POLA1: variants seen among roughly 807,000 people sequenced by gnomAD.
The protein encoded by POLA1 is DNA polymerase alpha catalytic subunit.
POLA1 carries 15 observed loss-of-function variants against 124.0 expected under a neutral mutation model. The ratio of observed to expected loss-of-function variants is 0.12; its 90% CI spans 0.08 to 0.19. The LOEUF is 0.19. POLA1 is among the 10% of genes least tolerant of loss of function. POLA1 has a pLI of 1.00. For missense variants in POLA1, 886 were observed against 1,103.4 expected, an observed-to-expected ratio of 0.80 and a Z score of 2.79; for synonymous variants, 408 against 389.4, an observed-to-expected ratio of 1.05 and a Z score of -0.56.
At chrX:24,704,496 T>G (rs759576945) in intron 4 of POLA1, 27 bp downstream of exon 4, 4 of 1,010,809 alleles carry the variant, frequency 4.0e-6, no homozygotes, top group Non-Finnish European at 5.6e-6. Context: ...TTCCAGGGTG[T>G]TGTTTTGAGA....
intron 30 of POLA1, among the ~76,000 whole-genome samples, chrX:24,820,712 G>GT (rs1314702695): frequency 1.5e-3 from 153 of 99,931 alleles, no homozygotes; most frequent in Middle Eastern, 0.01. Flanking sequence ...TATTTTAGAG[G>GT]TTTTTTTTTT....
intron 24 of POLA1, among the ~76,000 whole-genome samples, chrX:24,747,284 G>A (rs1932061320): frequency 9.2e-6 from 1 of 108,667 alleles, no homozygotes; most frequent in African/African-American, 3.4e-5. Context: ...TCCTGCCTCA[G>A]CCTCCCGAGT....
At chrX:24,713,975 A>C (rs1422237871) in intron 4 of POLA1, among the ~76,000 whole-genome samples, 1 of 112,150 alleles carries the variant, frequency 8.9e-6, no homozygotes, top group Non-Finnish European at 1.9e-5. Context: ...AAACAAACCC[A>C]AATTCTCACT....
At chrX:24,799,090 C>T (rs1019727088) in intron 26 of POLA1, among the ~76,000 whole-genome samples, 6 of 112,037 alleles carry the variant, frequency 5.4e-5, no homozygotes, top group Non-Finnish European at 9.4e-5. Flanking sequence ...TGGTACTGAG[C>T]AAGGGAATTA....
chrX:24,704,454 G>C lies in POLA1; in HGVS notation c.331G>C (p.Asp111His), dbSNP rs748903534. Residue 111 changes from aspartate to histidine, a missense_variant, in exon 4 of 37, where the codon GAT (aspartate) becomes CAT (histidine). Asp to His is a moderately conservative substitution (Grantham distance 81, BLOSUM62 -1). Coordinates refer to ENST00000379068, the MANE Select transcript of POLA1 (RefSeq NM_001330360.2). Reference sequence around the variant, plus strand: ...TGATGACCTTGAAGATGATGCCCTTGATGCTGATGAGAAAGGTACCTACCT... The same window carrying C: ...TGATGACCTTGAAGATGATGCCCTTCATGCTGATGAGAAAGGTACCTACCT... ...FDDDLEDDALDADEKGKDGKA... is the reference protein window; with the variant it reads ...FDDDLEDDALHADEKGKDGKA... 1.7e-6 allele frequency: 2 copies of C among 1,186,595 alleles called. No homozygotes were observed. Among genetic ancestry groups the C allele is most frequent in the Non-Finnish European group, 2.3e-6 (2 of 872,823 alleles).
At chrX:24,716,478 A>G in intron 7 of POLA1, 24 bp downstream of exon 7, 1 of 850,556 alleles carries the variant, frequency 1.2e-6, no homozygotes, top group Non-Finnish European at 1.8e-6. Flanking sequence ...AGATACCTTC[A>G]ATCTTGATTT....
chrX:24,894,698 T>A (rs1456201603), intron 35 of POLA1, among the ~76,000 whole-genome samples: 3 of 112,154 alleles, frequency 2.7e-5, no homozygotes, highest in African/African-American at 9.7e-5. Context: ...CAGTCTCATA[T>A]TGGACTAAGG....
chrX:24,885,714 C>T (rs754226388), intron 34 of POLA1, among the ~76,000 whole-genome samples: 8 of 111,366 alleles, frequency 7.2e-5, no homozygotes, highest in African/African-American at 2.0e-4. Context: ...TTAGTAGAGA[C>T]GGGGTTTCAC....
Position 24,709,187 on chromosome X carries a change from A to G in POLA1, c.346+4718A>G, listed in dbSNP as rs1431635005. On this transcript the variant is annotated intron_variant, in intron 4 of 36. Coordinates refer to ENST00000379068, the MANE Select transcript of POLA1 (RefSeq NM_001330360.2). Reference sequence around the variant, plus strand: ...TCCCGGACGGGGCGGCTGGCCGGGCAGGGGGGCTGACCCCCCCACCTCCCT... The same window carrying G: ...TCCCGGACGGGGCGGCTGGCCGGGCGGGGGGGCTGACCCCCCCACCTCCCT... Among the ~76,000 whole-genome samples the G allele has an allele frequency of 5.7e-3, 180 of 31,344 alleles. 1 individual carries two copies. The highest frequency in any genetic ancestry group is 0.029 in the East Asian group (25 of 874). 27.2% of individuals were successfully genotyped at this position (31,344 alleles called of 115,157 possible).
chrX:24,710,664 G>GTTTT (rs1191270484), intron 4 of POLA1, among the ~76,000 whole-genome samples: 1 of 86,638 alleles, frequency 1.2e-5, no homozygotes, highest in Non-Finnish European at 2.2e-5. Context: ...ATATGTTGTG[G>GTTTT]TTTTTTTTTT....
chrX:24,837,111 A>G (rs905837895), intron 32 of POLA1, among the ~76,000 whole-genome samples: 1 of 111,434 alleles, frequency 9.0e-6, no homozygotes, highest in Non-Finnish European at 1.9e-5. Context: ...ATCTTTTCCT[A>G]TTTGGCATGC....
At chrX:24,860,547 A>G (rs1225956156) in intron 34 of POLA1, among the ~76,000 whole-genome samples, 1 of 112,761 alleles carries the variant, frequency 8.9e-6, no homozygotes, top group Admixed American at 9.4e-5. Flanking sequence ...TTTTTGGAAG[A>G]TAACTTGAGT....
chrX:24,886,732 C>T (rs1230281233), intron 34 of POLA1, among the ~76,000 whole-genome samples: 1 of 111,940 alleles, frequency 8.9e-6, no homozygotes, highest in Non-Finnish European at 1.9e-5. Flanking sequence ...GGGAAAAGAC[C>T]AACAAGTTGT....
At position 24,711,346 on chromosome X, in the gene POLA1, G is replaced by A. The variant is rs1172398610; in HGVS notation, c.347-3208G>A. Among the ~76,000 whole-genome samples the A allele has an allele frequency of 3.6e-5, 4 of 112,385 alleles. No homozygotes were observed. The East Asian group carries it at 8.4e-4, about 24-fold the overall frequency. Reference sequence around the variant, plus strand: ...TTTTGTACTTTGCTTTTTTCTTGTAGCAAGATGTCTTGAAAATTACCCCAT... The same window carrying A: ...TTTTGTACTTTGCTTTTTTCTTGTAACAAGATGTCTTGAAAATTACCCCAT... On this transcript the variant is annotated intron_variant, in intron 4 of 36. Coordinates refer to ENST00000379068, the MANE Select transcript of POLA1 (RefSeq NM_001330360.2).
At chrX:24,940,790 A>G (rs1334295414) in intron 36 of POLA1, among the ~76,000 whole-genome samples, 2 of 112,187 alleles carry the variant, frequency 1.8e-5, no homozygotes, top group Non-Finnish European at 3.8e-5. Context: ...ATTACCAGTT[A>G]TTGAATTTGT....
chrX:24,750,675 T>C (rs1050038068), intron 26 of POLA1, among the ~76,000 whole-genome samples: 16 of 112,403 alleles, frequency 1.4e-4, no homozygotes, highest in African/African-American at 5.2e-4. Flanking sequence ...AAATAGATAA[T>C]AACGTTTTCA....
chrX:24,962,717 A>G (rs757467466), intron 36 of POLA1, among the ~76,000 whole-genome samples: 1 of 111,786 alleles, frequency 8.9e-6, no homozygotes, highest in African/African-American at 3.3e-5. Context: ...ATCTCCTTAT[A>G]TAATATGCTG....
At chrX:24,832,980 A>G (rs1434509827) in intron 32 of POLA1, among the ~76,000 whole-genome samples, 8 of 111,244 alleles carry the variant, frequency 7.2e-5, no homozygotes, top group Non-Finnish European at 1.5e-4. Context: ...TAAGTTCTTT[A>G]GTGGTGATTT....
chrX:24,764,336 T>A (rs901054203), intron 26 of POLA1, among the ~76,000 whole-genome samples: 1 of 112,186 alleles, frequency 8.9e-6, no homozygotes, highest in Non-Finnish European at 1.9e-5. Context: ...CCAGTTTGTA[T>A]GCTATTTGCC....
Sources: allele counts gnomAD v4.1 joint callset (sites outside exome capture counted in the v4.1 genomes callset), GRCh38; gene constraint gnomAD v4.1.1; transcripts MANE v1.5; gene names NCBI Gene and HGNC (gene_info 2026-07-23, HGNC 2026-07-21).